Variants in ZCCHC24 observed in about 807,000 individuals in gnomAD.
The protein encoded by ZCCHC24 is zinc finger CCHC domain-containing protein 24.
Under a neutral mutation model 26.2 loss-of-function variants are expected in ZCCHC24, and 10 were observed. That is an observed-to-expected ratio of 0.38 (90% CI 0.24 to 0.65). The LOEUF is 0.65. ZCCHC24 is among the 30% of genes least tolerant of loss of function. ZCCHC24 has a pLI of 0.54. For missense variants in ZCCHC24, 243 were observed against 329.1 expected, an observed-to-expected ratio of 0.74 and a Z score of 2.03; for synonymous variants, 144 against 147.1, an observed-to-expected ratio of 0.98 and a Z score of 0.15.
At position 79,383,376 on chromosome 10, in the gene ZCCHC24, T is replaced by C. The variant is rs536410871; in HGVS notation, c.*2969A>G. ...TATGTAGACAATATTTCCTTCTGAA[T>C]GTAGTTCAGTTGCATATTTTTACAG... On this transcript the variant is annotated 3_prime_UTR_variant, in exon 4 of 4. Transcript: ENST00000372336. 2.6e-5 allele frequency: 4 copies of C among 152,774 alleles called. No individual in the cohort carries two copies. Among genetic ancestry groups the C allele is most frequent in the Admixed American group, 6.5e-5 (1 of 15,310 alleles). 9.5% of individuals were successfully genotyped at this position (152,774 alleles called of 1,614,324 possible).
intron 2 of ZCCHC24, among the ~76,000 whole-genome samples, chr10:79,422,861 T>C (rs888336824): frequency 6.6e-6 from 1 of 152,188 alleles, no homozygotes; most frequent in African/African-American, 2.4e-5. Flanking sequence ...TCAGAAGTGA[T>C]GGAAACGGGT....
intron 2 of ZCCHC24, among the ~76,000 whole-genome samples, chr10:79,410,114 C>T (rs1856770799): frequency 6.6e-6 from 1 of 152,214 alleles, no homozygotes; most frequent in African/African-American, 2.4e-5. Flanking sequence ...CTTGCTGTTC[C>T]CTCTGCCAGG....
chr10:79,419,576 G>C (rs569226625), intron 2 of ZCCHC24, among the ~76,000 whole-genome samples: 2 of 152,304 alleles, frequency 1.3e-5, no homozygotes, highest in Admixed American at 1.3e-4. Flanking sequence ...ATGTGAGAGG[G>C]GCAGGCCAAG....
rs1386466732 is a variant in ZCCHC24 at position 79,383,653 on chromosome 10, G to T, written c.*2692C>A. ...TTTCTTTTTTTTTTTTTAAAAAAAG[G>T]CCCTCAAATATATACAGACAAAAAA... is the stretch of plus-strand genomic sequence containing the variant. On this transcript the variant is annotated 3_prime_UTR_variant, in exon 4 of 4. Coordinates refer to ENST00000372336, the MANE Select transcript of ZCCHC24 (RefSeq NM_153367.4). The T allele has an allele frequency of 1.3e-5, 2 of 149,156 alleles. No homozygotes were observed. Among genetic ancestry groups the T allele is most frequent in the African/African-American group, 5.0e-5 (2 of 40,196 alleles). 9.2% of individuals were successfully genotyped at this position (149,156 alleles called of 1,614,324 possible). A position where few individuals can be genotyped will look rare whatever the true frequency, so the allele number is the denominator to read the frequency against.
chr10:79,392,056 A>C (rs1856486363), intron 3 of ZCCHC24, among the ~76,000 whole-genome samples: 1 of 150,174 alleles, frequency 6.7e-6, no homozygotes. Flanking sequence ...CTCCCTCTCC[A>C]CCGGTCCCGT....
chr10:79,394,037 C>T (rs1856512244), intron 3 of ZCCHC24, among the ~76,000 whole-genome samples: 1 of 152,222 alleles, frequency 6.6e-6, no homozygotes, highest in African/African-American at 2.4e-5. Context: ...CTCTGTCTCA[C>T]AACAGCACAC....
At chr10:79,408,146 G>T (rs560496330) in intron 2 of ZCCHC24, among the ~76,000 whole-genome samples, 1 of 152,348 alleles carries the variant, frequency 6.6e-6, no homozygotes, top group African/African-American at 2.4e-5. Flanking sequence ...GGGCCCAGCT[G>T]TTGGGAAAAG....
intron 3 of ZCCHC24, among the ~76,000 whole-genome samples, chr10:79,391,682 T>G (rs955281264): frequency 3.3e-5 from 5 of 151,720 alleles, no homozygotes; most frequent in Non-Finnish European, 7.4e-5. Context: ...CCCAGGCCAC[T>G]TATCTGCCCT....
intron 2 of ZCCHC24, among the ~76,000 whole-genome samples, chr10:79,417,776 C>G (rs1380583358): frequency 6.6e-6 from 1 of 152,206 alleles, no homozygotes; most frequent in Non-Finnish European, 1.5e-5. Flanking sequence ...GGGCTCCTCA[C>G]CCCCATTCCA....
At chr10:79,423,610 T>TA (rs1856985037) in intron 2 of ZCCHC24, among the ~76,000 whole-genome samples, 1 of 140,340 alleles carries the variant, frequency 7.1e-6, no homozygotes, top group African/African-American at 2.7e-5. Context: ...TATATATATA[T>TA]TTTCTGACTG....
intron 2 of ZCCHC24, among the ~76,000 whole-genome samples, chr10:79,422,864 A>G (rs1005234680): frequency 6.6e-6 from 1 of 152,212 alleles, no homozygotes; most frequent in African/African-American, 2.4e-5. Flanking sequence ...GAAGTGATGG[A>G]AACGGGTTCT....
At chr10:79,398,907 G>T (rs756193916) in intron 2 of ZCCHC24, among the ~76,000 whole-genome samples, 1 of 152,166 alleles carries the variant, frequency 6.6e-6, no homozygotes, top group Non-Finnish European at 1.5e-5. Flanking sequence ...TTGCCAAAGT[G>T]CTTCCAGTGC....
intron 2 of ZCCHC24, among the ~76,000 whole-genome samples, chr10:79,415,721 G>A (rs1225652740): frequency 6.6e-6 from 1 of 152,198 alleles, no homozygotes; most frequent in Non-Finnish European, 1.5e-5. Context: ...GGTTGTTGGA[G>A]TGACAGAGGC....
chr10:79,406,949 A>G (rs1425010040), intron 2 of ZCCHC24, among the ~76,000 whole-genome samples: 1 of 152,188 alleles, frequency 6.6e-6, no homozygotes, highest in East Asian at 1.9e-4. Flanking sequence ...TACACACCCC[A>G]GTCTCACTAC....
intron 2 of ZCCHC24, among the ~76,000 whole-genome samples, chr10:79,396,885 A>C (rs140160445): frequency 6.6e-6 from 1 of 152,250 alleles, no homozygotes; most frequent in Non-Finnish European, 1.5e-5. Context: ...TAACTACCAT[A>C]TAAGACTGTT....
chr10:79,404,924 A>C (rs1401991561), intron 2 of ZCCHC24, among the ~76,000 whole-genome samples: 1 of 152,122 alleles, frequency 6.6e-6, no homozygotes, highest in African/African-American at 2.4e-5. Flanking sequence ...CCCTGTACCC[A>C]ACACTTCACC....
chr10:79,431,965 T>G (rs1248162045), intron 2 of ZCCHC24, among the ~76,000 whole-genome samples: 1 of 152,068 alleles, frequency 6.6e-6, no homozygotes, highest in Admixed American at 6.6e-5. Context: ...TTGGATCAGG[T>G]GGGGGCCTCG....
chr10:79,414,947 C>T (rs967530707), intron 2 of ZCCHC24, among the ~76,000 whole-genome samples: 10 of 152,212 alleles, frequency 6.6e-5, no homozygotes, highest in Non-Finnish European at 1.3e-4. Flanking sequence ...CACTGGTCCC[C>T]AGGCTCTTCA....
At chr10:79,394,197 G>C (rs2132177864) in intron 3 of ZCCHC24, 79 bp downstream of exon 3, 2 of 1,532,338 alleles carry the variant, frequency 1.3e-6, no homozygotes, top group African/African-American at 2.7e-5. Context: ...CCTTGTAGGA[G>C]GGAGTAAACT....
Sources: gnomAD v4.1 joint callset for allele counts (sites outside exome capture counted in the v4.1 genomes callset) on GRCh38, gnomAD v4.1.1 for gene constraint, MANE v1.5 for transcripts, NCBI Gene and HGNC (gene_info 2026-07-23, HGNC 2026-07-21) for gene names.